Variants in HEPHL1 observed in about 807,000 individuals in gnomAD.
HEPHL1 encodes the protein hephaestin like 1.
Under a neutral mutation model 122.0 loss-of-function variants are expected in HEPHL1, and 123 were observed. The ratio of observed to expected loss-of-function variants is 1.01; its 90% CI spans 0.87 to 1.17. HEPHL1 has a LOEUF of 1.17. Ranked by LOEUF, HEPHL1 falls within the 50% of genes most tolerant of loss-of-function variation. The probability of loss-of-function intolerance (pLI) is 0.00; values close to 1 mark genes in which losing one functional copy is unlikely to be tolerated. For synonymous variants in HEPHL1, 527 were observed against 508.9 expected (o/e 1.04, Z -0.48); for missense variants, 1,452 against 1,430.5 (o/e 1.01, Z -0.24).
At chr11:94,088,607 G>A (rs370976077) in intron 11 of HEPHL1, 148 bp from the exon 12 acceptor site, 126 of 622,016 alleles carry the variant, frequency 2.0e-4, no homozygotes, top group African/African-American at 1.9e-3. Flanking sequence ...ACCCCCTGGG[G>A]TCTGATTTTA....
At chr11:94,024,869 T>C (rs776435576) in intron 1 of HEPHL1, among the ~76,000 whole-genome samples, 11 of 152,166 alleles carry the variant, frequency 7.2e-5, no homozygotes, top group Admixed American at 1.3e-4. Flanking sequence ...TCATTGACAA[T>C]ATCCTATGGA....
chr11:94,091,178 C>G (rs530529482), intron 12 of HEPHL1, among the ~76,000 whole-genome samples: 1 of 152,248 alleles, frequency 6.6e-6, no homozygotes, highest in South Asian at 2.1e-4. Context: ...CTGACATAAC[C>G]CTTACAACAC....
At position 94,102,977 on chromosome 11, in the gene HEPHL1, A is replaced by G. The variant is rs375517447; in HGVS notation, c.2639A>G (p.Asn880Ser). Residue 880 changes from asparagine to serine, a missense_variant, in exon 15 of 20, where the codon AAT (asparagine) becomes AGT (serine). Physicochemically the swap from Asn to Ser is conservative, Grantham distance 46 (BLOSUM62 1). Transcript: ENST00000315765. Reference protein sequence around the residue: ...KRSGPGPSDPNCIPWVYYSTV... With the variant: ...KRSGPGPSDPSCIPWVYYSTV... ...TCCGGTCCAGGGCCTTCTGATCCCAATTGTATTCCATGGGTTTACTATTCA... is the reference window on the plus strand; with the variant it reads ...TCCGGTCCAGGGCCTTCTGATCCCAGTTGTATTCCATGGGTTTACTATTCA... The G allele has an allele frequency of 2.4e-5, 39 of 1,609,062 alleles. 2 individuals carry two copies. Among genetic ancestry groups the G allele is most frequent in the Middle Eastern group, 3.3e-4 (2 of 6,074 alleles).
At chr11:94,097,838 A>G (rs1261191497) in intron 13 of HEPHL1, among the ~76,000 whole-genome samples, 1 of 151,980 alleles carries the variant, frequency 6.6e-6, no homozygotes, top group Non-Finnish European at 1.5e-5. Context: ...TAGGATTGCA[A>G]CCCCTGCCTT....
intron 2 of HEPHL1, among the ~76,000 whole-genome samples, chr11:94,052,088 G>T (rs905769215): frequency 6.6e-6 from 1 of 151,958 alleles, no homozygotes; most frequent in African/African-American, 2.4e-5. Flanking sequence ...CTCCAGTTTT[G>T]TCCTTTTTAC....
intron 2 of HEPHL1, among the ~76,000 whole-genome samples, chr11:94,062,112 G>C (rs939539323): frequency 5.3e-5 from 8 of 152,094 alleles, no homozygotes; most frequent in African/African-American, 1.9e-4. Context: ...GTAATTAAAA[G>C]TATGTAAAGG....
rs923444453 is a variant in HEPHL1, at chr11:94,055,674, A to G, written c.416-7834A>G. ...TGGTGAAGATGTGAGGAAGCTGGCT[A>G]GTGACAGGCTGGAAGACAATGCACT... On this transcript the variant is annotated intron_variant, in intron 2 of 19. Coordinates refer to ENST00000315765, the MANE Select transcript of HEPHL1 (RefSeq NM_001098672.2). The G allele has an allele frequency of 3.3e-5, 13 of 389,222 alleles. No individual in the cohort carries two copies. The Middle Eastern group carries it at 1.6e-3, about 48-fold the overall frequency. The allele number at this position is 389,222 out of a possible 1,614,324, so 24.1% of individuals were successfully genotyped here. A position where few individuals can be genotyped will look rare whatever the true frequency, so the allele number is the denominator to read the frequency against.
chr11:94,089,103 C>A, intron 12 of HEPHL1, 135 bp downstream of exon 12: 2 of 831,194 alleles, frequency 2.4e-6, no homozygotes, highest in Non-Finnish European at 3.8e-6. Flanking sequence ...TACTTATGTG[C>A]ACAGATTAGG....
Position 94,111,620 on chromosome 11 carries a change from T to C in HEPHL1, c.3277+15T>C, listed in dbSNP as rs1191326049. ...GCCATCTAACGGTAATGATACCCTC[T>C]CCCCATGTAAATGAGTCAACATTTC... On this transcript the variant is annotated intron_variant, in intron 19 of 19. Transcript: ENST00000315765. 7 of 1,607,406 alleles carry C rather than the reference T, an allele frequency of 4.4e-6. No individual in the cohort carries two copies. In the African/African-American group the frequency reaches 9.4e-5, roughly 21 times the overall value.
chr11:94,028,953 A>T (rs868087934), intron 1 of HEPHL1, among the ~76,000 whole-genome samples: 2 of 120,952 alleles, frequency 1.7e-5, no homozygotes, highest in Non-Finnish European at 3.8e-5. Context: ...ACTTTCTCTT[A>T]TTTCTATCCC....
At chr11:94,041,229 C>A (rs1945775094) in intron 1 of HEPHL1, among the ~76,000 whole-genome samples, 1 of 150,716 alleles carries the variant, frequency 6.6e-6, no homozygotes, top group Non-Finnish European at 1.5e-5. Context: ...AAAGAGGATA[C>A]AAACAAATGG....
At chr11:94,033,119 G>A (rs772553180) in intron 1 of HEPHL1, among the ~76,000 whole-genome samples, 24 of 152,082 alleles carry the variant, frequency 1.6e-4, no homozygotes, top group Non-Finnish European at 2.6e-4. Flanking sequence ...CGCCCGCTTG[G>A]CCCTCTTCCA....
chr11:94,089,451 G>C (rs1277836410), intron 12 of HEPHL1, among the ~76,000 whole-genome samples: 1 of 152,192 alleles, frequency 6.6e-6, no homozygotes, highest in Non-Finnish European at 1.5e-5. Context: ...GAGACTCCGG[G>C]ATCGGGGTAG....
chr11:94,053,778 G>A (rs1386303086), intron 2 of HEPHL1, among the ~76,000 whole-genome samples: 1 of 152,058 alleles, frequency 6.6e-6, no homozygotes. Context: ...ATTTCTTTCT[G>A]TAGATATTTA....
chr11:94,072,504 A>G (rs1946083441), intron 6 of HEPHL1, among the ~76,000 whole-genome samples: 1 of 152,172 alleles, frequency 6.6e-6, no homozygotes, highest in Admixed American at 6.6e-5. Flanking sequence ...GTCAGAATTT[A>G]TATTATCATA....
Position 94,063,640 on chromosome 11 carries a change from C to A in HEPHL1, c.548C>A (p.Thr183Asn), listed in dbSNP as rs370587999. 5 of 1,613,888 alleles carry A rather than the reference C, an allele frequency of 3.1e-6. No individual in the cohort carries two copies. The highest frequency in any genetic ancestry group is 3.3e-5 in the Admixed American group (2 of 60,000). The change falls in exon 3 of 20, where the codon ACC becomes AAC. Residue 183 changes from threonine (T) to asparagine (N), a missense_variant. Physicochemically the swap from Thr to Asn is moderately conservative, Grantham distance 65. Coordinates refer to ENST00000315765, the MANE Select transcript of HEPHL1 (RefSeq NM_001098672.2). ...ACTCCAGCCGATGCCAACTGCCTGACCTGGGTGTACCATTCGCACATCGAC... is the reference window on the plus strand; with the variant it reads ...ACTCCAGCCGATGCCAACTGCCTGAACTGGGTGTACCATTCGCACATCGAC... ...APTPADANCLTWVYHSHIDAP... is the reference protein window; with the variant it reads ...APTPADANCLNWVYHSHIDAP...
At chr11:94,065,839 T>C (rs1265823052) in intron 4 of HEPHL1, among the ~76,000 whole-genome samples, 2 of 152,146 alleles carry the variant, frequency 1.3e-5, no homozygotes, top group Non-Finnish European at 2.9e-5. Context: ...AGTGAAAATG[T>C]CCAACAAAAT....
intron 2 of HEPHL1, among the ~76,000 whole-genome samples, chr11:94,049,171 A>C (rs1012839049): frequency 5.3e-5 from 8 of 152,086 alleles, no homozygotes; most frequent in Admixed American, 3.9e-4. Flanking sequence ...CACACTTAAT[A>C]CTGGTATAGT....
intron 12 of HEPHL1, among the ~76,000 whole-genome samples, chr11:94,092,388 G>T (rs1272425441): frequency 6.6e-6 from 1 of 152,122 alleles, no homozygotes; most frequent in East Asian, 1.9e-4. Flanking sequence ...TGACATTTTT[G>T]TGGTCATTTG....
Sources: gnomAD v4.1 joint callset for allele counts (sites outside exome capture counted in the v4.1 genomes callset) on GRCh38, gnomAD v4.1.1 for gene constraint, MANE v1.5 for transcripts, NCBI Gene and HGNC (gene_info 2026-07-23, HGNC 2026-07-21) for gene names.